MACROH2A2: variants seen among roughly 807,000 people sequenced by gnomAD.
MACROH2A2 encodes the protein core histone macro-H2A.2.
A neutral mutation model predicts 37.6 loss-of-function variants in MACROH2A2; 6 were observed. That is an observed-to-expected ratio of 0.16 (90% CI 0.09 to 0.32). The LOEUF (loss-of-function observed/expected upper bound fraction) is 0.32, where lower values mean the gene tolerates loss of function less well. Among genes scored for constraint, MACROH2A2 ranks in the 10% least tolerant of loss-of-function variants. The pLI is 1.00. For synonymous variants in MACROH2A2, 192 were observed against 202.7 expected, an observed-to-expected ratio of 0.95 and a Z score of 0.45; for missense variants, 290 against 485.9, an observed-to-expected ratio of 0.60 and a Z score of 3.79.
chr10:70,099,103 C>T (rs575270962), intron 6 of MACROH2A2: 112 of 152,254 alleles, frequency 7.4e-4, no homozygotes, highest in African/African-American at 2.4e-3. Context: ...TCAACAGTGT[C>T]CAGGAATCTG....
rs779099538 is a variant in MACROH2A2, at chr10:70,091,941, G to A, written c.464G>A (p.Arg155Gln). ...AAGAAATCCAAGGCTGCCAAACCAC[G>A]GACGTCCAAAAAGGTAGGCCGAGGC... ...GGKKSKAAKP[R>Q]TSKKSKPKDS... The change falls in exon 4 of 9, where the codon CGG (arginine) becomes CAG (glutamine). Residue 155 changes from arginine (R) to glutamine (Q), a missense_variant. Physicochemically the swap from Arg to Gln is conservative, Grantham distance 43. This residue lies in a region of MACROH2A2 where 77 missense variants were observed against 68.9 expected (regional missense o/e 1.12). Coordinates refer to ENST00000373255, the MANE Select transcript of MACROH2A2 (RefSeq NM_018649.3). The A allele has an allele frequency of 6.2e-6, 10 of 1,613,404 alleles. No individual in the cohort carries two copies. Among genetic ancestry groups the A allele is most frequent in the South Asian group, 2.2e-5 (2 of 91,040 alleles).
intron 1 of MACROH2A2, among the ~76,000 whole-genome samples, chr10:70,058,928 G>A (rs1047634652): frequency 7.1e-6 from 1 of 141,742 alleles, no homozygotes; most frequent in East Asian, 2.4e-4. Flanking sequence ...ACCCTATCAC[G>A]ACTAAACTGA....
chr10:70,056,509 G>A (rs34593598), intron 1 of MACROH2A2, among the ~76,000 whole-genome samples: 10,115 of 152,262 alleles, frequency 0.066, 528 homozygotes, highest in East Asian at 0.24. Context: ...TAATTTTAAA[G>A]TGATTGATAA....
intron 7 of MACROH2A2, among the ~76,000 whole-genome samples, chr10:70,100,896 C>T (rs1423084439): frequency 2.0e-5 from 3 of 152,208 alleles, no homozygotes; most frequent in Non-Finnish European, 4.4e-5. Flanking sequence ...GGATTACAGA[C>T]ATGAGCCACC....
At chr10:70,104,362 GAAAA>G (rs869029665) in intron 7 of MACROH2A2, among the ~76,000 whole-genome samples, 1 of 123,390 alleles carries the variant, frequency 8.1e-6, no homozygotes. Flanking sequence ...GGACAGAGAG[GAAAA>G]AAAAAAAAAA....
At chr10:70,063,666 G>A (rs1036693474) in intron 1 of MACROH2A2, among the ~76,000 whole-genome samples, 3 of 152,168 alleles carry the variant, frequency 2.0e-5, no homozygotes, top group Non-Finnish European at 4.4e-5. Context: ...GACATTTTCA[G>A]TTTCCAGTTC....
chr10:70,056,668 G>C (rs1273316611), intron 1 of MACROH2A2, among the ~76,000 whole-genome samples: 1 of 152,120 alleles, frequency 6.6e-6, no homozygotes, highest in East Asian at 1.9e-4. Context: ...GATGAAGAAG[G>C]GTAAGGGAGC....
chr10:70,059,886 ATGGTG>A (rs901556106), intron 1 of MACROH2A2, among the ~76,000 whole-genome samples: 1 of 151,944 alleles, frequency 6.6e-6, no homozygotes, highest in Non-Finnish European at 1.5e-5. Flanking sequence ...CACAGAGAGG[ATGGTG>A]TGGTGTGGTG....
At chr10:70,109,261 C>G (rs1426037162) in intron 8 of MACROH2A2, 54 bp downstream of exon 8, 1 of 1,460,144 alleles carries the variant, frequency 6.8e-7, no homozygotes, top group Non-Finnish European at 9.6e-7. Context: ...TGGAAATCAG[C>G]TGCTCCCCCA....
chr10:70,097,199 AG>A (rs1589839222), intron 6 of MACROH2A2, among the ~76,000 whole-genome samples: 1 of 152,162 alleles, frequency 6.6e-6, no homozygotes, highest in Non-Finnish European at 1.5e-5. Flanking sequence ...GGTGGTTAAG[AG>A]GGCAGGTTCC....
In MACROH2A2 at chr10:70,075,844, G is replaced by T. The variant is rs752311136; in HGVS notation, c.172+14G>T. 1 of 1,607,036 alleles carries T rather than the reference G, an allele frequency of 6.2e-7. No individual in the cohort carries two copies. Among genetic ancestry groups the T allele is most frequent in the Non-Finnish European group, 8.5e-7 (1 of 1,176,320 alleles). On this transcript the variant is annotated intron_variant, in intron 2 of 8. Coordinates refer to ENST00000373255, the MANE Select transcript of MACROH2A2 (RefSeq NM_018649.3). This position sits in a 1 kb window ranked among gnomAD's most constrained non-coding sequence, Gnocchi z 5.0. ...AGTACCTGGCAGGTAATGAGGACAC[G>T]CAAAGGAGGCTGCCTGCTCCCAGGT...
chr10:70,108,498 T>A (rs978912246), intron 7 of MACROH2A2, among the ~76,000 whole-genome samples: 19 of 152,336 alleles, frequency 1.2e-4, no homozygotes, highest in African/African-American at 4.6e-4. Context: ...GTCTCCTTCA[T>A]CCCACGGCCT....
chr10:70,058,636 T>TTATA (rs35874210), intron 1 of MACROH2A2, among the ~76,000 whole-genome samples: 1,668 of 150,126 alleles, frequency 0.011, 32 homozygotes, highest in African/African-American at 0.038. Flanking sequence ...ACTGCCAATT[T>TTATA]TATATATATA....
intron 2 of MACROH2A2, among the ~76,000 whole-genome samples, chr10:70,089,787 C>T (rs1212903724): frequency 6.6e-6 from 1 of 151,534 alleles, no homozygotes; most frequent in African/African-American, 2.4e-5. Flanking sequence ...GAGACAGGGT[C>T]TCACTCTGTT....
chr10:70,061,977 T>C (rs1012179490), intron 1 of MACROH2A2, among the ~76,000 whole-genome samples: 2 of 152,210 alleles, frequency 1.3e-5, no homozygotes, highest in African/African-American at 4.8e-5. Context: ...TGATTTGCCC[T>C]TGGAGTTCAT....
chr10:70,089,916 T>G (rs954529962), intron 2 of MACROH2A2, 144 bp from the exon 3 acceptor site: 1 of 690,206 alleles, frequency 1.4e-6, no homozygotes, highest in Non-Finnish European at 2.6e-6. Flanking sequence ...TGAGTTCTCT[T>G]ACGCTTCCTG....
chr10:70,079,676 TTGTC>T (rs2072164276), intron 2 of MACROH2A2, among the ~76,000 whole-genome samples: 2 of 93,414 alleles, frequency 2.1e-5, no homozygotes, highest in Non-Finnish European at 4.6e-5. Flanking sequence ...TAGAGATCAG[TTGTC>T]AAGGAGCAAG....
At chr10:70,097,888 C>T (rs2072284207) in intron 6 of MACROH2A2, among the ~76,000 whole-genome samples, 2 of 152,076 alleles carry the variant, frequency 1.3e-5, no homozygotes, top group Non-Finnish European at 2.9e-5. Flanking sequence ...GCAGGAGGAT[C>T]GCTTGAGCCC....
chr10:70,100,791 AT>A (rs748408539), intron 7 of MACROH2A2, among the ~76,000 whole-genome samples: 3 of 151,884 alleles, frequency 2.0e-5, no homozygotes, highest in African/African-American at 7.3e-5. Context: ...TAGTGTTTGT[AT>A]TTTTAGTAGA....
Sources: allele counts gnomAD v4.1 joint callset (sites outside exome capture counted in the v4.1 genomes callset), GRCh38; gene constraint gnomAD v4.1.1; regional missense constraint gnomAD v4.1.1; non-coding constraint Gnocchi (gnomAD v3.1); transcripts MANE v1.5; gene names NCBI Gene and HGNC (gene_info 2026-07-23, HGNC 2026-07-21).